The following SUGCT variants were observed in gnomAD, a reference collection of about 807,000 sequenced individuals.
SUGCT encodes succinyl-CoA:glutarate CoA-transferase.
In SUGCT, 41 loss-of-function variants were observed where a neutral mutation model predicts 55.0. That is an observed-to-expected ratio of 0.74 (90% CI 0.58 to 0.97). The LOEUF (loss-of-function observed/expected upper bound fraction) is 0.97, where lower values mean the gene tolerates loss of function less well. Among genes scored for constraint, SUGCT ranks in the 50% least tolerant of loss-of-function variants. The probability of loss-of-function intolerance (pLI) is 0.00; values close to 1 mark genes in which losing one functional copy is unlikely to be tolerated. For synonymous variants in SUGCT, 187 were observed against 200.4 expected (o/e 0.93, Z 0.56); for missense variants, 568 against 547.8 (o/e 1.04, Z -0.37).
At chr7:40,147,918 A>G (rs1046330873) in intron 1 of SUGCT, among the ~76,000 whole-genome samples, 1 of 152,378 alleles carries the variant, frequency 6.6e-6, no homozygotes, top group Non-Finnish European at 1.5e-5. Context: ...TTAGAAGGGC[A>G]TGCCCTTACA....
chr7:40,929,979 T>A, the SUGCT span, among the ~76,000 whole-genome samples: 1 of 152,146 alleles, frequency 6.6e-6, no homozygotes, highest in Non-Finnish European at 1.5e-5. Flanking sequence ...GGTGTTTTAG[T>A]CATGAAGTCC....
chr7:40,718,094 G>A (rs7779570), intron 12 of SUGCT, among the ~76,000 whole-genome samples: 27,314 of 152,142 alleles, frequency 0.18, 2,729 homozygotes, highest in Non-Finnish European at 0.23. Context: ...AATAGAAACT[G>A]TGCTCTTGAT....
At chr7:40,933,597 C>T in the SUGCT span, among the ~76,000 whole-genome samples, 7 of 152,326 alleles carry the variant, frequency 4.6e-5, no homozygotes, top group East Asian at 9.6e-4. Context: ...GGTCTTTTCA[C>T]ATAATCCCAT....
chr7:40,340,223 A>T (rs755838346), intron 9 of SUGCT, among the ~76,000 whole-genome samples: 3 of 152,238 alleles, frequency 2.0e-5, no homozygotes, highest in Non-Finnish European at 4.4e-5. Context: ...ACATAGGGCA[A>T]GAAGTGTTAG....
chr7:40,621,169 G>T (rs572263257), intron 12 of SUGCT, among the ~76,000 whole-genome samples: 1 of 152,038 alleles, frequency 6.6e-6, no homozygotes, highest in Non-Finnish European at 1.5e-5. Context: ...TGTATTATTA[G>T]TATTGTATTT....
the SUGCT span, among the ~76,000 whole-genome samples, chr7:41,035,124 A>G: frequency 6.6e-6 from 1 of 152,340 alleles, no homozygotes; most frequent in East Asian, 1.9e-4. Flanking sequence ...CAAAGTACCC[A>G]GTGCACACAG....
At chr7:41,036,540 A>G in the SUGCT span, among the ~76,000 whole-genome samples, 1 of 150,202 alleles carries the variant, frequency 6.7e-6, no homozygotes, top group Non-Finnish European at 1.5e-5. Flanking sequence ...TATTTCCTCC[A>G]CTCCCTTGAC....
chr7:40,540,831 A>G lies in SUGCT; in HGVS notation c.1089+44445A>G, dbSNP rs535740422. ...TAACACCTTCTTCCTTCCCTCCTTT[A>G]TGGTATTTGAGATATTAAATGGATG... On this transcript the variant is annotated intron_variant, in intron 12 of 13. Coordinates refer to ENST00000335693, the MANE Select transcript of SUGCT (RefSeq NM_001193313.2). Among the ~76,000 whole-genome samples the G allele has an allele frequency of 2.6e-5, 4 of 152,260 alleles. No individual in the cohort carries two copies. In the South Asian group the frequency reaches 8.3e-4, roughly 32 times the overall value.
the SUGCT span, among the ~76,000 whole-genome samples, chr7:40,934,960 C>T: frequency 6.6e-6 from 1 of 152,194 alleles, no homozygotes; most frequent in Non-Finnish European, 1.5e-5. Context: ...TGAGATGAAC[C>T]AGGTACCTCA....
intron 9 of SUGCT, among the ~76,000 whole-genome samples, chr7:40,326,148 G>A (rs1796019404): frequency 6.6e-6 from 1 of 151,956 alleles, no homozygotes; most frequent in South Asian, 2.1e-4. Flanking sequence ...TACCCTGTGG[G>A]GTAGGCAGTG....
intron 12 of SUGCT, among the ~76,000 whole-genome samples, chr7:40,534,559 C>T (rs969428822): frequency 6.6e-6 from 1 of 152,060 alleles, no homozygotes; most frequent in African/African-American, 2.4e-5. Flanking sequence ...GCTGGGTTTA[C>T]AGGCATGTGC....
intron 6 of SUGCT, among the ~76,000 whole-genome samples, chr7:40,195,772 T>C (rs749610048): frequency 1.2e-4 from 17 of 145,288 alleles, no homozygotes; most frequent in Middle Eastern, 3.6e-3. Flanking sequence ...TGGAGTTTAG[T>C]GGCATGATCT....
intron 8 of SUGCT, among the ~76,000 whole-genome samples, chr7:40,301,851 T>C (rs1473267242): frequency 6.6e-6 from 1 of 152,224 alleles, no homozygotes; most frequent in Non-Finnish European, 1.5e-5. Context: ...GAGCTTGTGA[T>C]ATGTGGGGTA....
At chr7:40,203,854 C>T (rs1170164679) in intron 6 of SUGCT, among the ~76,000 whole-genome samples, 1 of 151,678 alleles carries the variant, frequency 6.6e-6, no homozygotes, top group Non-Finnish European at 1.5e-5. Context: ...AGATTTTCAA[C>T]TATTTAAACC....
At chr7:40,812,292 A>T (rs2128758795) in intron 13 of SUGCT, among the ~76,000 whole-genome samples, 1 of 152,238 alleles carries the variant, frequency 6.6e-6, no homozygotes, top group South Asian at 2.1e-4. Context: ...TTTCAGTAGA[A>T]TTGGTACCAT....
intron 7 of SUGCT, among the ~76,000 whole-genome samples, chr7:40,250,828 CTT>C (rs67372014): frequency 0.3 from 36,436 of 121,228 alleles, 5,524 homozygotes; most frequent in East Asian, 0.51. Context: ...TTTCACGCTT[CTT>C]TTTTTTTTTT....
chr7:40,202,010 G>C (rs576653802), intron 6 of SUGCT, among the ~76,000 whole-genome samples: 7 of 152,206 alleles, frequency 4.6e-5, no homozygotes, highest in Admixed American at 6.5e-5. Flanking sequence ...GTCTGGCTCT[G>C]TTGCCCAGTC....
chr7:40,865,254 T>A (rs79424536), downstream of SUGCT, among the ~76,000 whole-genome samples: 1,068 of 152,210 alleles, frequency 7.0e-3, 6 homozygotes, highest in Non-Finnish European at 0.011. Flanking sequence ...CAACTGTGGA[T>A]ACCAAAACCT....
chr7:40,898,480 CGGGGGGGGGGGGGGGG>C, the SUGCT span, among the ~76,000 whole-genome samples: 1 of 5,722 alleles, frequency 1.7e-4, no homozygotes, highest in Non-Finnish European at 4.4e-4. Context: ...TCCGGGAGGT[CGGGGGGGGGGGGGGGG>C]GTGGATCACG....
Sources: allele counts gnomAD v4.1 joint callset (sites outside exome capture counted in the v4.1 genomes callset), GRCh38; gene constraint gnomAD v4.1.1; transcripts MANE v1.5; gene names NCBI Gene and HGNC (gene_info 2026-07-23, HGNC 2026-07-21).